The following SMYD3 variants were observed in gnomAD, a reference collection of about 807,000 sequenced individuals.
SMYD3 encodes histone-lysine N-methyltransferase SMYD3.
A neutral mutation model predicts 57.7 loss-of-function variants in SMYD3; 36 were observed. That is an observed-to-expected ratio of 0.62 (90% CI 0.48 to 0.82). The LOEUF (loss-of-function observed/expected upper bound fraction) is 0.82, where lower values mean the gene tolerates loss of function less well. SMYD3 is among the 40% of genes least tolerant of loss of function. The pLI is 0.00. For synonymous variants in SMYD3, 211 were observed against 195.0 expected (o/e 1.08, Z -0.68); for missense variants, 515 against 538.8 (o/e 0.96, Z 0.44).
chr1:246,311,679 A>T (rs1365444734), intron 5 of SMYD3, among the ~76,000 whole-genome samples: 1 of 152,230 alleles, frequency 6.6e-6, no homozygotes, highest in Admixed American at 6.5e-5. Context: ...ACACACGCAC[A>T]CACACCCCAG....
chr1:245,930,798 A>G (rs2147851259), intron 5 of SMYD3: 1 of 152,328 alleles, frequency 6.6e-6, no homozygotes, highest in African/African-American at 2.4e-5. Context: ...AAACCCAATG[A>G]TAGAAAACTG....
intron 11 of SMYD3, among the ~76,000 whole-genome samples, chr1:245,750,046 A>G (rs1215034313): frequency 6.6e-6 from 1 of 152,092 alleles, no homozygotes; most frequent in African/African-American, 2.4e-5. Context: ...ACTCCATTCA[A>G]TTCTCATCTA....
chr1:245,880,977 C>A (rs1048185141), intron 8 of SMYD3, among the ~76,000 whole-genome samples: 1 of 150,550 alleles, frequency 6.6e-6, no homozygotes, highest in African/African-American at 2.4e-5. Context: ...CCACCCAGGG[C>A]ACACACTGTC....
intron 5 of SMYD3, among the ~76,000 whole-genome samples, chr1:246,126,262 C>T (rs959439448): frequency 6.6e-6 from 1 of 152,196 alleles, no homozygotes; most frequent in African/African-American, 2.4e-5. Flanking sequence ...GTCACAATGG[C>T]ATGTGGTAGA....
At chr1:245,797,193 A>C (rs1285449114) in intron 10 of SMYD3, among the ~76,000 whole-genome samples, 1 of 152,176 alleles carries the variant, frequency 6.6e-6, no homozygotes, top group African/African-American at 2.4e-5. Context: ...ACCCAAAGGA[A>C]TATCAATCAT....
chr1:246,101,645 T>C (rs2061017944), intron 5 of SMYD3, among the ~76,000 whole-genome samples: 1 of 152,274 alleles, frequency 6.6e-6, no homozygotes, highest in Non-Finnish European at 1.5e-5. Context: ...ATGTAAATTA[T>C]GTTCATATGC....
At position 246,154,431 on chromosome 1, in the gene SMYD3, C is replaced by A. The variant is rs546756233; in HGVS notation, c.531+172770G>T. ...GCTTAAGTCTTCAGAATTTGACCCC[C>A]GCTCACGGCACAGAAGGATGCCCAG... On this transcript the variant is annotated intron_variant, in intron 5 of 11. Transcript: ENST00000490107. Among the ~76,000 whole-genome samples the A allele has an allele frequency of 6.6e-4, 101 of 152,248 alleles. 1 individual carries two copies. The highest frequency in any genetic ancestry group is 2.2e-3 in the African/African-American group (91 of 41,528).
intron 5 of SMYD3, among the ~76,000 whole-genome samples, chr1:246,244,051 T>A (rs1188364526): frequency 7.5e-5 from 10 of 133,268 alleles, no homozygotes; most frequent in African/African-American, 2.7e-5. Context: ...ATGGGACTCA[T>A]ATATATATAT....
chr1:246,098,350 G>T (rs919200455), intron 5 of SMYD3, among the ~76,000 whole-genome samples: 1 of 152,150 alleles, frequency 6.6e-6, no homozygotes, highest in Non-Finnish European at 1.5e-5. Context: ...GTTTCCTGGT[G>T]TCCAGCACAC....
intron 5 of SMYD3, among the ~76,000 whole-genome samples, chr1:245,936,363 AT>A (rs34105057): frequency 1.3e-4 from 20 of 149,078 alleles, no homozygotes; most frequent in African/African-American, 3.7e-4. Context: ...ACGTAATCTT[AT>A]TTTTTTTTTT....
At chr1:246,307,099 G>A (rs573170242) in intron 5 of SMYD3, among the ~76,000 whole-genome samples, 2 of 152,236 alleles carry the variant, frequency 1.3e-5, no homozygotes, top group Non-Finnish European at 2.9e-5. Flanking sequence ...CTACTCTGGA[G>A]TATAAAATAG....
chr1:245,798,213 C>T (rs78694402), intron 10 of SMYD3, among the ~76,000 whole-genome samples: 6,206 of 151,876 alleles, frequency 0.041, 172 homozygotes, highest in East Asian at 0.12. Flanking sequence ...CTTAGCCTGG[C>T]CTGCGCCATC....
chr1:245,851,244 T>C (rs1236430767), intron 10 of SMYD3, among the ~76,000 whole-genome samples: 1 of 152,210 alleles, frequency 6.6e-6, no homozygotes, highest in Non-Finnish European at 1.5e-5. Flanking sequence ...TGTTGAAGGC[T>C]ATCTGTAAGC....
intron 10 of SMYD3, among the ~76,000 whole-genome samples, chr1:245,846,845 G>A (rs2050690229): frequency 1.3e-5 from 2 of 152,214 alleles, no homozygotes; most frequent in African/African-American, 2.4e-5. Flanking sequence ...CACGTTGGGA[G>A]GACATTACGG....
intron 8 of SMYD3, among the ~76,000 whole-genome samples, chr1:245,904,767 C>T (rs996555871): frequency 1.3e-5 from 2 of 151,984 alleles, no homozygotes; most frequent in Admixed American, 1.3e-4. Context: ...CTGGGACAGC[C>T]GAGAGAGTGC....
rs375296334 is a variant in SMYD3 at position 246,197,293 on chromosome 1, G to A, written c.531+129908C>T. Among the ~76,000 whole-genome samples, 24 of 152,128 alleles carry A rather than the reference G, an allele frequency of 1.6e-4. 1 individual carries two copies. The East Asian group carries it at 1.7e-3, about 11-fold the overall frequency. The stretch of plus-strand genomic sequence containing the variant: ...TGGTGCCTAGTGACGTCCCTGTGAC[G>A]AGGACAGTGTGGAAGGGAAAAGGAG... On this transcript the variant is annotated intron_variant, in intron 5 of 11. Transcript: ENST00000490107.
At chr1:246,439,826 T>C (rs2067436575) in intron 1 of SMYD3, among the ~76,000 whole-genome samples, 1 of 152,088 alleles carries the variant, frequency 6.6e-6, no homozygotes. Context: ...GGCGTGCCCC[T>C]ATAGTCCCAG....
rs199941516 is a variant in SMYD3, at chr1:246,221,695, G to A, written c.531+105506C>T. ...ACCTGGAGCTGCCCACACCATAGCAGCAGCTGGTGTGTCTGACCGCACAGT... is the reference window on the plus strand; with the variant it reads ...ACCTGGAGCTGCCCACACCATAGCAACAGCTGGTGTGTCTGACCGCACAGT... On this transcript the variant is annotated intron_variant, in intron 5 of 11. Coordinates refer to ENST00000490107, the MANE Select transcript of SMYD3 (RefSeq NM_001167740.2). Among the ~76,000 whole-genome samples, 13 of 152,340 alleles carry A rather than the reference G, an allele frequency of 8.5e-5. No individual in the cohort carries two copies. The East Asian group carries it at 2.3e-3, about 27-fold the overall frequency.
intron 10 of SMYD3, among the ~76,000 whole-genome samples, chr1:245,773,090 T>TA (rs34679948): frequency 0.12 from 10,236 of 86,186 alleles, 566 homozygotes; most frequent in East Asian, 0.29. Context: ...GGAGAATCAC[T>TA]AAAAAAAAAA....
Sources: allele counts gnomAD v4.1 joint callset (sites outside exome capture counted in the v4.1 genomes callset), GRCh38; gene constraint gnomAD v4.1.1; transcripts MANE v1.5; gene names NCBI Gene and HGNC (gene_info 2026-07-23, HGNC 2026-07-21).